Variants in SLURP2 observed in about 807,000 individuals in gnomAD.
SLURP2 encodes secreted LY6/PLAUR domain containing 2.
SLURP2 carries 4 observed loss-of-function variants against 9.8 expected under a neutral mutation model. That is an observed-to-expected ratio of 0.41 (90% confidence interval 0.20 to 0.94). The LOEUF (loss-of-function observed/expected upper bound fraction) is 0.94. Ranked by LOEUF, SLURP2 falls within the 40% of genes least tolerant of loss-of-function variation. The probability of loss-of-function intolerance (pLI) is 0.32; values close to 1 mark genes in which losing one functional copy is unlikely to be tolerated. For missense variants in SLURP2, 118 were observed against 126.4 expected (o/e 0.93, Z 0.32); for synonymous variants, 58 against 56.2 (o/e 1.03, Z -0.15).
At chr8:142,769,037 G>T (rs1413219150) in intron 1 of SLURP2, among the ~76,000 whole-genome samples, 1 of 152,110 alleles carries the variant, frequency 6.6e-6, no homozygotes, top group African/African-American at 2.4e-5. Flanking sequence ...GCCTCAGGGT[G>T]GGGGTGGAGA....
At position 142,768,851 on chromosome 8, in the gene SLURP2, G is replaced by A. The variant is rs145751263; in HGVS notation, c.52+904C>T. On this transcript the variant is annotated intron_variant, in intron 1 of 2. Coordinates refer to ENST00000317543, the MANE Select transcript of SLURP2 (RefSeq NM_177458.3). The surrounding 1 kb of genome is among the most constrained non-coding windows in gnomAD (Gnocchi z 4.8). ...GGATGTAAGAGACACCTGAGCCAGC[G>A]CCAGGGACTCACCGACGCTCCACCC... is the stretch of plus-strand genomic sequence containing the variant. 1.1e-3 allele frequency among the ~76,000 whole-genome samples: 174 copies of A among 152,182 alleles called. 1 individual carries two copies. Among genetic ancestry groups the A allele is most frequent in the African/African-American group, 3.6e-3 (151 of 41,528 alleles).
rs375130278 is a variant in SLURP2 at position 142,764,764 on chromosome 8, A to G, written c.158-23T>C. On this transcript the variant is annotated intron_variant, in intron 2 of 2. Coordinates refer to ENST00000317543, the MANE Select transcript of SLURP2 (RefSeq NM_177458.3). ...CCCCTGAGTGGGCAGGAGAGAAACCATGGAGCTCCCTGAGGCTCTGGTTTG... is the reference window on the plus strand; with the variant it reads ...CCCCTGAGTGGGCAGGAGAGAAACCGTGGAGCTCCCTGAGGCTCTGGTTTG... 6 of 1,610,950 alleles carry G rather than the reference A, an allele frequency of 3.7e-6. No individual in the cohort carries two copies. In the African/African-American group the frequency reaches 5.4e-5, roughly 14 times the overall value.
Position 142,769,775 on chromosome 8 carries a change from G to C in SLURP2, c.32C>G (p.Ala11Gly). 1 of 1,602,494 alleles carries C rather than the reference G, an allele frequency of 6.2e-7. No homozygotes were observed. The highest frequency in any genetic ancestry group is 8.5e-7 in the Non-Finnish European group (1 of 1,176,386). Reference sequence around the variant, plus strand: ...CTCACCCAGCTGCAGGCTCAGGACGGCGGCCAGCAGGAGCCCAGTGCCGAG... The same window carrying C: ...CTCACCCAGCTGCAGGCTCAGGACGCCGGCCAGCAGGAGCCCAGTGCCGAG... MQLGTGLLLA[A>G]VLSLQLAAAE... Residue 11 changes from alanine (A) to glycine (G), a missense_variant, in exon 1 of 3, where the codon GCC (alanine) becomes GGC (glycine). Coordinates refer to ENST00000317543, the MANE Select transcript of SLURP2 (RefSeq NM_177458.3).
chr8:142,765,012 C>A (rs944538005), intron 2 of SLURP2, 24 bp downstream of exon 2: 15 of 1,579,778 alleles, frequency 9.5e-6, no homozygotes, highest in Non-Finnish European at 1.3e-5. Flanking sequence ...AGGACGTGGC[C>A]AGCCCACCAC....
At chr8:142,765,505 G>A (rs752237671) in intron 1 of SLURP2, among the ~76,000 whole-genome samples, 5 of 152,150 alleles carry the variant, frequency 3.3e-5, no homozygotes, top group Non-Finnish European at 5.9e-5. Flanking sequence ...TCTGAGACAC[G>A]CTTTCTGGCC....
At chr8:142,767,947 T>C (rs777208965) in intron 1 of SLURP2, among the ~76,000 whole-genome samples, 7 of 151,654 alleles carry the variant, frequency 4.6e-5, no homozygotes, top group African/African-American at 9.7e-5. Flanking sequence ...CCGGGGGTGG[T>C]TGCAGGTTGG....
chr8:142,764,886 C>T (rs991010855), intron 2 of SLURP2, 145 bp from the exon 3 acceptor site: 6 of 1,180,694 alleles, frequency 5.1e-6, no homozygotes, highest in Non-Finnish European at 7.4e-6. Flanking sequence ...TGGCCCTTTG[C>T]TCATACCCTT....
intron 1 of SLURP2, among the ~76,000 whole-genome samples, chr8:142,765,621 G>A (rs1814979355): frequency 6.6e-6 from 1 of 152,180 alleles, no homozygotes; most frequent in Non-Finnish European, 1.5e-5. Flanking sequence ...AGGGAGCCCA[G>A]GGCAAGGGCG....
At chr8:142,769,028 C>T (rs1815089395) in intron 1 of SLURP2, among the ~76,000 whole-genome samples, 2 of 152,132 alleles carry the variant, frequency 1.3e-5, no homozygotes, top group South Asian at 4.2e-4. Context: ...TTTGTTGAGG[C>T]CTCAGGGTGG....
chr8:142,765,967 AAAAAAAC>A lies in SLURP2; in HGVS notation c.53-834_53-828del, dbSNP rs750043462. On this transcript the variant is annotated intron_variant, in intron 1 of 2. Coordinates refer to ENST00000317543, the MANE Select transcript of SLURP2 (RefSeq NM_177458.3). ...GACAGAGCAAGACTCCACCTCAAAA[AAAAAAAC>A]AAAAAACAAAAAACAAAAAACAAAA... Among the ~76,000 whole-genome samples the A allele has an allele frequency of 2.9e-3, 388 of 135,936 alleles. 6 individuals carry two copies. The highest frequency in any genetic ancestry group is 0.02 in the South Asian group (86 of 4,206). The allele number at this position is 135,936 out of a possible 152,430, so 89.2% of individuals were successfully genotyped here.
At chr8:142,765,009 G>C in intron 2 of SLURP2, 27 bp downstream of exon 2, 1 of 1,570,526 alleles carries the variant, frequency 6.4e-7, no homozygotes, top group South Asian at 1.1e-5. Context: ...AGAAGGACGT[G>C]GCCAGCCCAC....
chr8:142,768,060 A>G lies in SLURP2; in HGVS notation c.52+1695T>C, dbSNP rs1224876837. 6.6e-6 allele frequency among the ~76,000 whole-genome samples: 1 copy of G among 151,316 alleles called. No individual in the cohort carries two copies. Among genetic ancestry groups the G allele is most frequent in the Admixed American group, 6.6e-5 (1 of 15,204 alleles). On this transcript the variant is annotated intron_variant, in intron 1 of 2. Coordinates refer to ENST00000317543, the MANE Select transcript of SLURP2 (RefSeq NM_177458.3). The surrounding 1 kb of genome is among the most constrained non-coding windows in gnomAD (Gnocchi z 4.8). ...ATAAAATGTTAGCTCCAAACCGGAAAGGCTGCTCGATGGTGACTGTGAGGA... is the reference window on the plus strand; with the variant it reads ...ATAAAATGTTAGCTCCAAACCGGAAGGGCTGCTCGATGGTGACTGTGAGGA...
At position 142,764,520 on chromosome 8, in the gene SLURP2, C is replaced by T. The variant is rs1463895261; in HGVS notation, c.*85G>A. On this transcript the variant is annotated 3_prime_UTR_variant, in exon 3 of 3. Transcript: ENST00000317543. ...CCGGGAGAGGTGGGCTGGCCAGTCTCGAGGGAGGGGCAGCTGTGAGCCCTG... is the reference window on the plus strand; with the variant it reads ...CCGGGAGAGGTGGGCTGGCCAGTCTTGAGGGAGGGGCAGCTGTGAGCCCTG... The T allele has an allele frequency of 1.2e-5, 17 of 1,417,736 alleles. No individual in the cohort carries two copies. Among genetic ancestry groups the T allele is most frequent in the South Asian group, 4.9e-5 (4 of 82,358 alleles). 87.8% of individuals were successfully genotyped at this position (1,417,736 alleles called of 1,614,324 possible).
chr8:142,767,111 C>T (rs759166664), intron 1 of SLURP2, among the ~76,000 whole-genome samples: 1 of 152,274 alleles, frequency 6.6e-6, no homozygotes, highest in South Asian at 2.1e-4. Flanking sequence ...TCAGTGCACA[C>T]CAGGCCCCTG....
chr8:142,767,653 A>C (rs1002105978), intron 1 of SLURP2, among the ~76,000 whole-genome samples: 1 of 152,092 alleles, frequency 6.6e-6, no homozygotes, highest in Admixed American at 6.5e-5. Flanking sequence ...CACCCCCTCC[A>C]GGAAGGCCTC....
In SLURP2 at chr8:142,769,810, C is replaced by T. The variant is rs181230979; in HGVS notation, c.-4G>A. The T allele has an allele frequency of 9.4e-6, 15 of 1,594,002 alleles. No homozygotes were observed. In the East Asian group the frequency reaches 3.4e-4, roughly 36 times the overall value. On this transcript the variant is annotated 5_prime_UTR_variant, in exon 1 of 3. Coordinates refer to ENST00000317543, the MANE Select transcript of SLURP2 (RefSeq NM_177458.3). The stretch of plus-strand genomic sequence containing the variant: ...GGAGCCCAGTGCCGAGCTGCATGTT[C>T]TCCTGGTGAGGTCGGGCTGTCGGCG...
chr8:142,769,777 G>A lies in SLURP2; in HGVS notation c.30C>T (p.Ala10=), dbSNP rs755582944. The part of the protein sequence containing the change: MQLGTGLLL[A]AVLSLQLAAA... ...CACCCAGCTGCAGGCTCAGGACGGC[G>A]GCCAGCAGGAGCCCAGTGCCGAGCT... Residue 10 remains alanine (A), a synonymous_variant, in exon 1 of 3, where the codon GCC becomes GCT. Coordinates refer to ENST00000317543, the MANE Select transcript of SLURP2 (RefSeq NM_177458.3). 28 of 1,602,124 alleles carry A rather than the reference G, an allele frequency of 1.7e-5. No homozygotes were observed. The highest frequency in any genetic ancestry group is 2.7e-5 in the African/African-American group (2 of 74,830).
At chr8:142,767,958 G>A (rs748945066) in intron 1 of SLURP2, among the ~76,000 whole-genome samples, 9 of 152,154 alleles carry the variant, frequency 5.9e-5, no homozygotes, top group Non-Finnish European at 1.0e-4. Context: ...TGCAGGTTGG[G>A]TTATCAAGAG....
At chr8:142,769,564 G>C (rs919794730) in intron 1 of SLURP2, among the ~76,000 whole-genome samples, 191 bp downstream of exon 1, 1 of 137,342 alleles carries the variant, frequency 7.3e-6, no homozygotes, top group African/African-American at 2.6e-5. Flanking sequence ...AGTGTCGGGG[G>C]CTGGGGCTGA....
Sources: gnomAD v4.1 joint callset for allele counts (sites outside exome capture counted in the v4.1 genomes callset) on GRCh38, gnomAD v4.1.1 for gene constraint, Gnocchi (gnomAD v3.1) non-coding constraint, MANE v1.5 for transcripts, NCBI Gene and HGNC (gene_info 2026-07-23, HGNC 2026-07-21) for gene names.